The following SWAP70 variants were observed in gnomAD, a reference collection of about 807,000 sequenced individuals.
SWAP70 encodes the protein switch-associated protein 70.
In SWAP70, 34 loss-of-function variants were observed where a neutral mutation model predicts 80.2. The ratio of observed to expected loss-of-function variants is 0.42; its 90% CI spans 0.32 to 0.56. The LOEUF (loss-of-function observed/expected upper bound fraction) is 0.56. Ranked by LOEUF, SWAP70 falls within the 20% of genes least tolerant of loss-of-function variation. SWAP70 has a pLI of 0.09. For missense variants in SWAP70, 578 were observed against 690.7 expected (o/e 0.84, Z 1.83); for synonymous variants, 239 against 238.5 (o/e 1.00, Z -0.02).
chr11:9,706,910 C>A (rs775499526), intron 2 of SWAP70, among the ~76,000 whole-genome samples: 1 of 146,786 alleles, frequency 6.8e-6, no homozygotes, highest in Non-Finnish European at 1.5e-5. Context: ...CCTTTTTTTT[C>A]TTTATTTTTA....
intron 4 of SWAP70, among the ~76,000 whole-genome samples, chr11:9,725,226 C>T (rs940240646): frequency 5.9e-5 from 9 of 151,856 alleles, no homozygotes; most frequent in Non-Finnish European, 2.9e-5. Context: ...GATCCACCCA[C>T]GTCGGCCTCC....
chr11:9,702,716 T>C (rs1302176972), intron 2 of SWAP70, among the ~76,000 whole-genome samples: 1 of 152,138 alleles, frequency 6.6e-6, no homozygotes, highest in Non-Finnish European at 1.5e-5. Flanking sequence ...CCACTGCACC[T>C]GACTGAAAGT....
At chr11:9,691,371 GAGGATGC>G (rs1166210508) in intron 1 of SWAP70, among the ~76,000 whole-genome samples, 2 of 152,252 alleles carry the variant, frequency 1.3e-5, no homozygotes, top group Non-Finnish European at 2.9e-5. Flanking sequence ...ATTTGACAGT[GAGGATGC>G]AGAGACATTG....
chr11:9,737,951 T>C (rs186168333), intron 7 of SWAP70, among the ~76,000 whole-genome samples: 2 of 152,344 alleles, frequency 1.3e-5, no homozygotes, highest in East Asian at 3.9e-4. Context: ...TGAATTTAAT[T>C]CAATGACTGT....
At chr11:9,664,723 A>G (rs1171237261) in intron 1 of SWAP70, among the ~76,000 whole-genome samples, 1 of 152,224 alleles carries the variant, frequency 6.6e-6, no homozygotes, top group Non-Finnish European at 1.5e-5. Flanking sequence ...TGCAGCCCAC[A>G]GCCCCACACC....
chr11:9,747,011 G>GGT (rs1212570983), intron 9 of SWAP70, among the ~76,000 whole-genome samples: 4 of 152,130 alleles, frequency 2.6e-5, no homozygotes, highest in Non-Finnish European at 4.4e-5. Flanking sequence ...CCATAATATT[G>GGT]TTGCTCAAGC....
At chr11:9,707,747 G>T (rs536284548) in intron 2 of SWAP70, among the ~76,000 whole-genome samples, 3 of 151,670 alleles carry the variant, frequency 2.0e-5, no homozygotes, top group South Asian at 2.1e-4. Context: ...GTAGAGACGC[G>T]GTATCACCAT....
chr11:9,670,093 T>A (rs966878335), intron 1 of SWAP70, among the ~76,000 whole-genome samples: 1 of 152,106 alleles, frequency 6.6e-6, no homozygotes, highest in African/African-American at 2.4e-5. Flanking sequence ...CACCCTGTAC[T>A]CCAGCTGGGG....
At chr11:9,740,416 C>A in intron 9 of SWAP70, 69 bp downstream of exon 9, 1 of 1,476,472 alleles carries the variant, frequency 6.8e-7, no homozygotes. Flanking sequence ...CTTGGAATGA[C>A]TAACACTCTG....
chr11:9,745,362 G>A (rs1333196387), intron 9 of SWAP70, among the ~76,000 whole-genome samples: 5 of 152,154 alleles, frequency 3.3e-5, no homozygotes, highest in Admixed American at 2.6e-4. Flanking sequence ...ATTTGCAGAC[G>A]GGGAAGATAT....
At chr11:9,676,802 A>G (rs1590011922) in intron 1 of SWAP70, among the ~76,000 whole-genome samples, 1 of 152,062 alleles carries the variant, frequency 6.6e-6, no homozygotes, top group East Asian at 1.9e-4. Context: ...GGCGCCCGCC[A>G]CCACGCCCGG....
intron 2 of SWAP70, among the ~76,000 whole-genome samples, chr11:9,699,295 AAT>A (rs1850801248): frequency 6.6e-6 from 1 of 152,126 alleles, no homozygotes; most frequent in Non-Finnish European, 1.5e-5. Context: ...TAAAAGGGTG[AAT>A]TTTATGGTAT....
At chr11:9,693,383 G>A (rs1377067570) in intron 1 of SWAP70, among the ~76,000 whole-genome samples, 1 of 152,186 alleles carries the variant, frequency 6.6e-6, no homozygotes, top group African/African-American at 2.4e-5. Context: ...TTAGGTTATT[G>A]CAAGACCAGT....
chr11:9,664,383 G>C, intron 1 of SWAP70, 105 bp downstream of exon 1: 1 of 1,287,660 alleles, frequency 7.8e-7, no homozygotes. Flanking sequence ...AGGGCGGGGC[G>C]GGTCGGAATG....
At chr11:9,725,410 G>A (rs7116226) in intron 4 of SWAP70, among the ~76,000 whole-genome samples, 35,526 of 146,846 alleles carry the variant, frequency 0.24, 5,038 homozygotes, top group Non-Finnish European at 0.31. Flanking sequence ...TTGGCTGGAC[G>A]TGGTGGCTCA....
chr11:9,714,061 A>G (rs920081), intron 3 of SWAP70, among the ~76,000 whole-genome samples: 15,525 of 152,202 alleles, frequency 0.1, 1,535 homozygotes, highest in African/African-American at 0.25. Flanking sequence ...TTCAAAGTCC[A>G]GGGTGATGAC....
At chr11:9,671,419 TAA>T (rs1491148384) in intron 1 of SWAP70, among the ~76,000 whole-genome samples, 8,252 of 97,212 alleles carry the variant, frequency 0.085, 464 homozygotes, top group East Asian at 0.18. Context: ...AATATATTTA[TAA>T]ATATATATAT....
At chr11:9,673,600 A>G (rs1238822445) in intron 1 of SWAP70, among the ~76,000 whole-genome samples, 1 of 152,184 alleles carries the variant, frequency 6.6e-6, no homozygotes, top group Non-Finnish European at 1.5e-5. Context: ...ACTGAGTGGG[A>G]AAATCCAGCA....
chr11:9,673,452 GTTCAGCTCTCTGGGAGC>G (rs1850445768), intron 1 of SWAP70, among the ~76,000 whole-genome samples: 1 of 152,130 alleles, frequency 6.6e-6, no homozygotes, highest in Non-Finnish European at 1.5e-5. Context: ...GCCTCTACAT[GTTCAGCTCTCTGGGAGC>G]TCCTCAAACC....
Sources: gnomAD v4.1 joint callset for allele counts (sites outside exome capture counted in the v4.1 genomes callset) on GRCh38, gnomAD v4.1.1 for gene constraint, MANE v1.5 for transcripts, NCBI Gene and HGNC (gene_info 2026-07-23, HGNC 2026-07-21) for gene names.